MSH6: variants seen among roughly 807,000 people sequenced by gnomAD.
MSH6 encodes DNA mismatch repair protein Msh6.
Under a neutral mutation model 119.1 loss-of-function variants are expected in MSH6, and 85 were observed. The observed-to-expected ratio is 0.71, with a 90% CI of 0.60 to 0.85. The LOEUF is 0.85. Among genes scored for constraint, MSH6 ranks in the 40% least tolerant of loss-of-function variants. The pLI is 0.00. For synonymous variants in MSH6, 830 were observed against 586.9 expected, an observed-to-expected ratio of 1.41 and a Z score of -5.99; for missense variants, 2,163 against 1,655.3, an observed-to-expected ratio of 1.31 and a Z score of -5.32.
At chr2:47,807,019 G>T, downstream of MSH6, 1 of 655,040 alleles carries the variant, frequency 1.5e-6, no homozygotes. Flanking sequence ...CTACATAATG[G>T]TTATTGAATA....
rs1572727440 is a variant in MSH6 at position 47,800,486 on chromosome 2, CA to C, written c.2504del (p.Gln835ArgfsTer9). The C allele has an allele frequency of 6.2e-7, 1 of 1,612,888 alleles. No homozygotes were observed. The highest frequency in any genetic ancestry group is 8.5e-7 in the Non-Finnish European group (1 of 1,179,764). ...IHNVGSPLKS[Q>X]NHPDSRAIMY... ...TAATGTTGGGTCTCCCCTGAAGAGT[CA>C]GAACCACCCAGACAGCAGGGCTATA... On this transcript the variant is annotated frameshift_variant, in exon 4 of 10. Transcript: ENST00000234420. LOFTEE classifies it high-confidence loss of function.
At chr2:47,796,383 C>G (rs1017356013) in intron 3 of MSH6, among the ~76,000 whole-genome samples, 1 of 151,914 alleles carries the variant, frequency 6.6e-6, no homozygotes, top group African/African-American at 2.4e-5. Flanking sequence ...TAGTCAGGCC[C>G]TAGAAATTAA....
At position 47,799,803 on chromosome 2, in the gene MSH6, C is replaced by G. The variant is rs786201676; in HGVS notation, c.1820C>G (p.Thr607Arg). The change falls in exon 4 of 10, where the codon ACA becomes AGA. Residue 607 changes from threonine (T) to arginine (R), a missense_variant. Coordinates refer to ENST00000234420, the MANE Select transcript of MSH6 (RefSeq NM_000179.3). The stretch of plus-strand genomic sequence containing the variant: ...GGAAATCTCTCAAAGGAAACTAAAA[C>G]AATTCTAAAGAGTTCATTGTCCTGT... ...EKGNLSKETK[T>R]ILKSSLSCSL... The G allele has an allele frequency of 1.2e-6, 2 of 1,614,178 alleles. No homozygotes were observed. Among genetic ancestry groups the G allele is most frequent in the Non-Finnish European group, 1.7e-6 (2 of 1,180,020 alleles).
chr2:47,804,842 A>G, intron 5 of MSH6, 68 bp from the exon 6 acceptor site: 3 of 1,240,866 alleles, frequency 2.4e-6, no homozygotes, highest in Non-Finnish European at 3.6e-6. Flanking sequence ...AAGGGTTCAT[A>G]AGAAAGACAA....
Position 47,783,285 on chromosome 2 carries a change from A to C in MSH6, c.52A>C (p.Ser18Arg), listed in dbSNP as rs1553408122. ...CTTCTTCCCCAAGTCTCCGGCGCTG[A>C]GTGATGCCAACAAGGCCTCGGCCAG... ...YSFFPKSPALSDANKASARAS... is the reference protein window; with the variant it reads ...YSFFPKSPALRDANKASARAS... The change falls in exon 1 of 10, where the codon AGT becomes CGT. Residue 18 changes from serine to arginine, a missense_variant. By Grantham distance (110) the Ser-to-Arg change is moderately radical. Transcript: ENST00000234420. The C allele has an allele frequency of 6.2e-7, 1 of 1,612,106 alleles. No homozygotes were observed. Among genetic ancestry groups the C allele is most frequent in the Non-Finnish European group, 8.5e-7 (1 of 1,179,566 alleles).
rs1445411805 is a variant in MSH6 at position 47,789,329 on chromosome 2, TG to T, written c.261-1597del. ...TGAAAAACAAAATTTTTTGTTTAAA[TG>T]CTTATGTTTCTAATATTTTATTTCA... On this transcript the variant is annotated intron_variant, in intron 1 of 9. Coordinates refer to ENST00000234420, the MANE Select transcript of MSH6 (RefSeq NM_000179.3). The T allele has an allele frequency of 1.5e-5, 6 of 397,822 alleles. No homozygotes were observed. The East Asian group carries it at 4.5e-4, about 30-fold the overall frequency. The allele number at this position is 397,822 out of a possible 1,614,324, so 24.6% of individuals were successfully genotyped here.
chr2:47,784,423 C>T (rs1668220276), intron 1 of MSH6: 1 of 193,402 alleles, frequency 5.2e-6, no homozygotes, highest in Non-Finnish European at 9.4e-6. Flanking sequence ...CCGGGGAAGC[C>T]TGTCGGGAGT....
chr2:47,788,910 T>TTTTTTG (rs1668535730), intron 1 of MSH6, among the ~76,000 whole-genome samples: 4 of 55,120 alleles, frequency 7.3e-5, no homozygotes, highest in Non-Finnish European at 1.6e-4. Flanking sequence ...CTTCTTCCTT[T>TTTTTTG]TTTTTTTTTT....
chr2:47,791,675 CTT>C (rs575880393), intron 2 of MSH6, among the ~76,000 whole-genome samples: 8 of 132,492 alleles, frequency 6.0e-5, no homozygotes, highest in African/African-American at 1.4e-4. Flanking sequence ...CTCTTTCTTT[CTT>C]TTTTTTTTTT....
chr2:47,795,876 A>T lies in MSH6; in HGVS notation c.458-18A>T, dbSNP rs2104226928. 6.2e-7 allele frequency: 1 copy of T among 1,612,012 alleles called. No individual in the cohort carries two copies. The highest frequency in any genetic ancestry group is 8.5e-7 in the Non-Finnish European group (1 of 1,178,484). On this transcript the variant is annotated intron_variant, in intron 2 of 9. Transcript: ENST00000234420. ...TCTGCACCCGGCCCTTATTGTTTAT[A>T]AATACATTTCTTTCTAGGTTCAAAA...
At chr2:47,803,272 G>A (rs879511202) in intron 4 of MSH6, 148 bp from the exon 5 acceptor site, 2 of 1,103,680 alleles carry the variant, frequency 1.8e-6, no homozygotes, top group Admixed American at 4.1e-5. Context: ...ATGTTAGAGG[G>A]TAAGTATTTT....
chr2:47,805,557 A>T, intron 6 of MSH6, 61 bp from the exon 7 acceptor site: 1 of 1,087,786 alleles, frequency 9.2e-7, no homozygotes, highest in South Asian at 1.2e-5. Context: ...AACCTAGAAG[A>T]TGAATTTATG....
Position 47,783,166 on chromosome 2 carries a change from C to A in MSH6, c.-68C>A, listed in dbSNP as rs1343253462. The A allele has an allele frequency of 1.9e-6, 3 of 1,593,038 alleles. No individual in the cohort carries two copies. Among genetic ancestry groups the A allele is most frequent in the Admixed American group, 1.7e-5 (1 of 58,390 alleles). The stretch of plus-strand genomic sequence containing the variant: ...CCCCAGATTTCCCGCCAGCAGGAGC[C>A]GCGCGGTAGATGCGGTGCTTTTAGG... On this transcript the variant is annotated 5_prime_UTR_variant, in exon 1 of 10. Coordinates refer to ENST00000234420, the MANE Select transcript of MSH6 (RefSeq NM_000179.3).
At chr2:47,797,471 G>A (rs1669169499) in intron 3 of MSH6, among the ~76,000 whole-genome samples, 1 of 152,224 alleles carries the variant, frequency 6.6e-6, no homozygotes, top group Non-Finnish European at 1.5e-5. Context: ...ATGTGAATGT[G>A]CTAGGCCTGA....
At chr2:47,802,312 T>C (rs1221571463) in intron 4 of MSH6, among the ~76,000 whole-genome samples, 1 of 152,164 alleles carries the variant, frequency 6.6e-6, no homozygotes, top group African/African-American at 2.4e-5. Flanking sequence ...CATTGCTGTT[T>C]TATAGTTTAG....
chr2:47,808,057 C>T (rs867583267), downstream of MSH6: 10 of 1,433,030 alleles, frequency 7.0e-6, no homozygotes, highest in Middle Eastern at 1.8e-4. Context: ...AAATCTTCTT[C>T]CAAAAAAGTG....
In MSH6 at chr2:47,804,998, G is replaced by A. The variant is rs876661148; in HGVS notation, c.3527G>A (p.Arg1176Lys). The change falls in exon 6 of 10, where the codon AGA becomes AAA. Residue 1176 changes from arginine (R) to lysine (K), a missense_variant. Transcript: ENST00000234420. ...ACACCAATTGATAGAGTGTTTACTA[G>A]ACTTGGTGCCTCAGACAGAATAATG... ...RLTPIDRVFT[R>K]LGASDRIMSG... The A allele has an allele frequency of 1.9e-6, 3 of 1,613,896 alleles. No individual in the cohort carries two copies. Among genetic ancestry groups the A allele is most frequent in the Non-Finnish European group, 2.5e-6 (3 of 1,179,794 alleles).
chr2:47,806,260 C>CTT lies in MSH6; in HGVS notation c.3704_3705dup (p.Ala1236LeufsTer5). 6.2e-7 allele frequency: 1 copy of CTT among 1,614,022 alleles called. No individual in the cohort carries two copies. Among genetic ancestry groups the CTT allele is most frequent in the Non-Finnish European group, 8.5e-7 (1 of 1,179,926 alleles). On this transcript the variant is annotated frameshift_variant, in exon 8 of 10. Coordinates refer to ENST00000234420, the MANE Select transcript of MSH6 (RefSeq NM_000179.3). LOFTEE classifies it high-confidence loss of function. ...AATAGCAAATGCAGTTGTTAAAGAACTTGCTGAGACTATAAAATGTCGTAC... is the reference window on the plus strand; with the variant it reads ...AATAGCAAATGCAGTTGTTAAAGAACTTTTGCTGAGACTATAAAATGTCGTAC...
rs876660224 is a variant in MSH6, at chr2:47,806,447, T to C, written c.3802-5T>C. On this transcript the variant is annotated splice_region_variant and splice_polypyrimidine_tract_variant and intron_variant, in intron 8 of 9. Transcript: ENST00000234420. ...CATGTATCGCTAATATTTTTCTTTCTTAAGGCATGCATGGTAGAAAATGAA... is the reference window on the plus strand; with the variant it reads ...CATGTATCGCTAATATTTTTCTTTCCTAAGGCATGCATGGTAGAAAATGAA... The C allele has an allele frequency of 1.9e-6, 3 of 1,614,052 alleles. No individual in the cohort carries two copies. The highest frequency in any genetic ancestry group is 2.5e-6 in the Non-Finnish European group (3 of 1,179,980).
Sources: allele counts gnomAD v4.1 joint callset (sites outside exome capture counted in the v4.1 genomes callset), GRCh38; gene constraint gnomAD v4.1.1; transcripts MANE v1.5; gene names NCBI Gene and HGNC (gene_info 2026-07-23, HGNC 2026-07-21).